Variants in NCAPH observed in about 807,000 individuals in gnomAD.
The protein encoded by NCAPH is condensin complex subunit 2.
Under a neutral mutation model 85.5 loss-of-function variants are expected in NCAPH, and 38 were observed. That is an observed-to-expected ratio of 0.44 (90% CI 0.34 to 0.58). The LOEUF (loss-of-function observed/expected upper bound fraction) is 0.58, where lower values mean the gene tolerates loss of function less well. Ranked by LOEUF, NCAPH falls within the 20% of genes least tolerant of loss-of-function variation. The pLI, the probability that NCAPH is intolerant of heterozygous loss-of-function variation, is 0.01. For missense variants in NCAPH, 789 were observed against 916.6 expected (o/e 0.86, Z 1.80); for synonymous variants, 301 against 335.1 (o/e 0.90, Z 1.11).
chr2:96,372,853 T>C (rs1367896901), intron 17 of NCAPH, among the ~76,000 whole-genome samples: 3 of 152,206 alleles, frequency 2.0e-5, no homozygotes, highest in Admixed American at 6.5e-5. Flanking sequence ...TGTATACATA[T>C]ATATAAAAAT....
chr2:96,370,645 A>T (rs2064760312), intron 17 of NCAPH, among the ~76,000 whole-genome samples: 1 of 152,182 alleles, frequency 6.6e-6, no homozygotes, highest in African/African-American at 2.4e-5. Context: ...TGACAACCTC[A>T]TGAAGAAGAA....
Position 96,376,078 on chromosome 2 carries a change from T to A in NCAPH, c.*2727T>A, listed in dbSNP as rs2064828391. 6.6e-6 allele frequency among the ~76,000 whole-genome samples: 1 copy of A among 152,168 alleles called. No individual in the cohort carries two copies. On this transcript the variant is annotated 3_prime_UTR_variant, in exon 18 of 18. Coordinates refer to ENST00000240423, the MANE Select transcript of NCAPH (RefSeq NM_015341.5). ...GAAAACAAACTAATACAAGTGGTAA[T>A]GTGTCCAGCTAAAAATTTGGGTTCT... is the stretch of plus-strand genomic sequence containing the variant.
rs368299369 is a variant in NCAPH at position 96,365,864 on chromosome 2, T to C, written c.1699-12T>C. ...AGCGTCCACCAAACTCGAAGAGCTG[T>C]TTCTTGCCCAGGCTGCTGACAGTGA... On this transcript the variant is annotated splice_polypyrimidine_tract_variant and intron_variant, in intron 13 of 17. Transcript: ENST00000240423. 2 of 1,614,154 alleles carry C rather than the reference T, an allele frequency of 1.2e-6. No individual in the cohort carries two copies. The highest frequency in any genetic ancestry group is 1.7e-6 in the Non-Finnish European group (2 of 1,179,998).
In NCAPH at chr2:96,343,303, T is replaced by C. The variant is rs1043446497; in HGVS notation, c.594T>C (p.Ala198=). ...PSLEEVEGHV[A]DGSATEMGTT... ...TGGAAGAAGTAGAAGGCCATGTTGC[T>C]GGTAGGTGGGTAGGGATCTGGATTT... The change falls in exon 5 of 18, where the codon GCT becomes GCC. Residue 198 remains alanine, a splice_region_variant and synonymous_variant. Coordinates refer to ENST00000240423, the MANE Select transcript of NCAPH (RefSeq NM_015341.5). 1 of 1,612,052 alleles carries C rather than the reference T, an allele frequency of 6.2e-7. No homozygotes were observed. Among genetic ancestry groups the C allele is most frequent in the Non-Finnish European group, 8.5e-7 (1 of 1,178,908 alleles).
intron 9 of NCAPH, among the ~76,000 whole-genome samples, chr2:96,357,653 G>A (rs1408681561): frequency 2.0e-5 from 3 of 152,106 alleles, no homozygotes; most frequent in East Asian, 3.9e-4. Flanking sequence ...ACAGCACTAG[G>A]CCATACAGAC....
chr2:96,335,878 GA>G, intron 1 of NCAPH, 30 bp downstream of exon 1: 1 of 1,451,664 alleles, frequency 6.9e-7, no homozygotes, highest in Non-Finnish European at 9.1e-7. Context: ...GGCGCGGCGG[GA>G]AGGGCCCCTA....
Position 96,360,605 on chromosome 2 carries a change from C to A in NCAPH, c.1482C>A (p.Thr494=). ...FRKTKAATIL[T]KSTLENQNWR... ...ATTAATAGGCTGCTACTATTCTGAC[C>A]AAGTCCACTTTGGAGAACCAGAATT... The change falls in exon 12 of 18, where the codon ACC becomes ACA. Residue 494 remains threonine, a synonymous_variant. Transcript: ENST00000240423. 3.1e-6 allele frequency: 5 copies of A among 1,614,028 alleles called. No homozygotes were observed. The highest frequency in any genetic ancestry group is 4.2e-6 in the Non-Finnish European group (5 of 1,179,970).
chr2:96,364,618 T>G, intron 13 of NCAPH, 27 bp downstream of exon 13: 1 of 1,510,250 alleles, frequency 6.6e-7, no homozygotes, highest in Non-Finnish European at 9.2e-7. Context: ...GGCTCTGTCC[T>G]CTCTTCTAAG....
chr2:96,339,769 T>TCTCAGTC (rs1199314721), intron 1 of NCAPH, among the ~76,000 whole-genome samples: 1 of 152,094 alleles, frequency 6.6e-6, no homozygotes, highest in East Asian at 1.9e-4. Context: ...AATGATCAGT[T>TCTCAGTC]CTCAGTCCTC....
intron 6 of NCAPH, among the ~76,000 whole-genome samples, chr2:96,344,778 C>T (rs535385468): frequency 6.6e-6 from 1 of 152,278 alleles, no homozygotes; most frequent in Non-Finnish European, 1.5e-5. Context: ...GAGGCCTCAT[C>T]TATAATTAGC....
rs1184956876 is a variant in NCAPH, at chr2:96,361,763, TATATACATATATATATATACAC to T, written c.1587+1059_1587+1080del. 7.8e-5 allele frequency among the ~76,000 whole-genome samples: 10 copies of T among 128,888 alleles called. No individual in the cohort carries two copies. In the East Asian group the frequency reaches 1.5e-3, roughly 19 times the overall value. 84.6% of individuals were successfully genotyped at this position (128,888 alleles called of 152,430 possible). ...AAGATTTTAATGATATATATATATA[TATATACATATATATATATACAC>T]ATATATATGTATATATATGTGTATA... On this transcript the variant is annotated intron_variant, in intron 12 of 17. Transcript: ENST00000240423.
chr2:96,343,413 T>C (rs2064322151), intron 5 of NCAPH, 109 bp downstream of exon 5: 2 of 1,348,142 alleles, frequency 1.5e-6, no homozygotes, highest in Admixed American at 3.0e-5. Context: ...TCTCATTTTA[T>C]TGAAGACAGG....
intron 12 of NCAPH, among the ~76,000 whole-genome samples, chr2:96,361,696 T>G (rs1224396668): frequency 6.7e-6 from 1 of 149,694 alleles, no homozygotes; most frequent in African/African-American, 2.5e-5. Flanking sequence ...TGGAGTGTAT[T>G]AAGACTTTAT....
chr2:96,369,431 C>T lies in NCAPH; in HGVS notation c.2097C>T (p.Pro699=). ...GLTKDLQRSL[P]PVMAQNLSIP... ...CTTGCCCCTTTCTTTCCAGCCTGCCCCCTGTCATGGCTCAGAACCTCTCCA... is the reference window on the plus strand; with the variant it reads ...CTTGCCCCTTTCTTTCCAGCCTGCCTCCTGTCATGGCTCAGAACCTCTCCA... Residue 699 remains proline, a synonymous_variant, in exon 17 of 18, where the codon CCC becomes CCT. Coordinates refer to ENST00000240423, the MANE Select transcript of NCAPH (RefSeq NM_015341.5). The T allele has an allele frequency of 6.2e-7, 1 of 1,614,036 alleles. No individual in the cohort carries two copies. Among genetic ancestry groups the T allele is most frequent in the South Asian group, 1.1e-5 (1 of 91,076 alleles).
At chr2:96,361,755 TATATATATATATAC>T (rs1469206266) in intron 12 of NCAPH, among the ~76,000 whole-genome samples, 29 of 131,466 alleles carry the variant, frequency 2.2e-4, no homozygotes, top group Non-Finnish European at 4.2e-4. Flanking sequence ...TAATGATATA[TATATATATATATAC>T]ATATATATAT....
In NCAPH at chr2:96,371,741, G is replaced by A. The variant is rs201841060; in HGVS notation, c.2167-1551G>A. 2.0e-5 allele frequency among the ~76,000 whole-genome samples: 3 copies of A among 152,186 alleles called. No homozygotes were observed. The East Asian group carries it at 5.8e-4, about 29-fold the overall frequency. On this transcript the variant is annotated intron_variant, in intron 17 of 17. Transcript: ENST00000240423. ...TGGGCTTGTAACATTAGCCACAACA[G>A]TTACTGTTATAATCTACAGGGATCT...
At chr2:96,356,293 T>G (rs1252354078) in intron 9 of NCAPH, among the ~76,000 whole-genome samples, 1 of 152,200 alleles carries the variant, frequency 6.6e-6, no homozygotes, top group Non-Finnish European at 1.5e-5. Flanking sequence ...CAGTGAGTGT[T>G]TGATCTGGAG....
chr2:96,353,422 T>C, intron 8 of NCAPH, 25 bp downstream of exon 8: 1 of 1,597,932 alleles, frequency 6.3e-7, no homozygotes, highest in South Asian at 1.1e-5. Context: ...TAGTGGCTCA[T>C]GGTTTCAGTT....
chr2:96,351,684 AAC>A, intron 6 of NCAPH, 145 bp from the exon 7 acceptor site: 48 of 653,576 alleles, frequency 7.3e-5, no homozygotes, highest in South Asian at 4.7e-4. Context: ...AAAAAAAAAA[AAC>A]AAAAACAAAC....
Sources: allele counts gnomAD v4.1 joint callset (sites outside exome capture counted in the v4.1 genomes callset), GRCh38; gene constraint gnomAD v4.1.1; transcripts MANE v1.5; gene names NCBI Gene and HGNC (gene_info 2026-07-23, HGNC 2026-07-21).